The following RTL4 variants were observed in gnomAD, a reference collection of about 807,000 sequenced individuals.
RTL4 encodes the protein retrotransposon Gag-like protein 4.
RTL4 carries 4 observed loss-of-function variants against 5.3 expected under a neutral mutation model. The observed-to-expected ratio is 0.75, with a 90% confidence interval of 0.37 to 1.72. The LOEUF is 1.72. RTL4 is among the 40% of genes most tolerant of loss of function. The pLI is 0.04. For missense variants in RTL4, 260 were observed against 227.1 expected, an observed-to-expected ratio of 1.14 and a Z score of -0.93; for synonymous variants, 98 against 87.3, an observed-to-expected ratio of 1.12 and a Z score of -0.68.
the RTL4 span, among the ~76,000 whole-genome samples, chrX:112,177,265 G>T: frequency 9.0e-6 from 1 of 111,095 alleles, no homozygotes; most frequent in African/African-American, 3.3e-5. Context: ...AACCTCCATA[G>T]AGTGTATATT....
At position 112,455,475 on chromosome X, in the gene RTL4, T is replaced by C. The variant is rs761132577; in HGVS notation, c.747T>C (p.Asp249=). 1.7e-5 allele frequency: 20 copies of C among 1,208,709 alleles called. No homozygotes were observed. In the East Asian group the frequency reaches 4.7e-4, roughly 29 times the overall value. ...ACCAAGCCCTCTTTAGCCCCACAGA[T>C]CCACCACCCAAGAAAGGGCCTATAC... Residue 249 remains aspartate (D), a synonymous_variant, in exon 1 of 1, where the codon GAT becomes GAC. Coordinates refer to ENST00000340433, the Ensembl canonical transcript of RTL4.
At chrX:112,386,782 A>AT in the RTL4 span, among the ~76,000 whole-genome samples, 341 of 111,165 alleles carry the variant, frequency 3.1e-3, 1 homozygote, top group African/African-American at 1.0e-2. Flanking sequence ...CTGCTTTCAT[A>AT]TTTTTTCAAT....
the RTL4 span, among the ~76,000 whole-genome samples, chrX:112,200,414 TC>T: frequency 8.9e-6 from 1 of 112,166 alleles, no homozygotes; most frequent in Non-Finnish European, 1.9e-5. Context: ...TTATCATGTG[TC>T]CCCAGAGGCT....
the RTL4 span, among the ~76,000 whole-genome samples, chrX:112,138,411 AAATAAT>A: frequency 3.6e-5 from 4 of 111,508 alleles, no homozygotes; most frequent in Non-Finnish European, 5.7e-5. Context: ...TGTTCTTATA[AAATAAT>A]AATAATAATA....
upstream of RTL4, among the ~76,000 whole-genome samples, chrX:112,450,768 G>A (rs756770772): frequency 8.9e-6 from 1 of 112,118 alleles, no homozygotes; most frequent in African/African-American, 3.2e-5. Flanking sequence ...TGGAACTTCT[G>A]AGAGTGGAGG....
chrX:112,414,990 T>C, the RTL4 span, among the ~76,000 whole-genome samples: 1 of 111,772 alleles, frequency 8.9e-6, no homozygotes, highest in Non-Finnish European at 1.9e-5. Flanking sequence ...ATTATGCTAT[T>C]CTCAGACATA....
the RTL4 span, among the ~76,000 whole-genome samples, chrX:112,190,198 TTC>T: frequency 1.9e-5 from 2 of 107,652 alleles, no homozygotes; most frequent in Admixed American, 1.0e-4. Context: ...CTTTCTTTCT[TTC>T]TTTCTTTTTT....
At chrX:112,351,049 A>G in the RTL4 span, among the ~76,000 whole-genome samples, 1 of 111,175 alleles carries the variant, frequency 9.0e-6, no homozygotes, top group Admixed American at 9.6e-5. Flanking sequence ...TGTGTCCCAG[A>G]GATTCTGGTA....
the RTL4 span, among the ~76,000 whole-genome samples, chrX:112,110,018 T>A: frequency 9.0e-6 from 1 of 111,687 alleles, no homozygotes; most frequent in African/African-American, 3.3e-5. Context: ...ACAAGGAGGT[T>A]AAAAATAGGG....
the RTL4 span, among the ~76,000 whole-genome samples, chrX:112,092,472 A>G: frequency 9.0e-6 from 1 of 111,580 alleles, no homozygotes; most frequent in Non-Finnish European, 1.9e-5. Flanking sequence ...GAGACATGCA[A>G]ATCTGCCTCT....
the RTL4 span, among the ~76,000 whole-genome samples, chrX:112,147,870 A>G: frequency 3.6e-5 from 4 of 111,608 alleles, no homozygotes; most frequent in Non-Finnish European, 7.5e-5. Context: ...TCTCTTTAGG[A>G]AAACCTGTCT....
the RTL4 span, among the ~76,000 whole-genome samples, chrX:112,344,989 G>A: frequency 9.0e-6 from 1 of 111,339 alleles, no homozygotes. Flanking sequence ...ACTCACTACT[G>A]CAAGAATAGT....
the RTL4 span, among the ~76,000 whole-genome samples, chrX:112,227,943 C>A: frequency 9.0e-6 from 1 of 111,265 alleles, no homozygotes; most frequent in South Asian, 3.9e-4. Context: ...TGCCTCAGGC[C>A]GATATTGGTT....
chrX:112,168,991 T>C, the RTL4 span, among the ~76,000 whole-genome samples: 1 of 107,380 alleles, frequency 9.3e-6, no homozygotes, highest in Non-Finnish European at 1.9e-5. Context: ...CCTTTCTTTC[T>C]TTCCTTTCTT....
the RTL4 span, among the ~76,000 whole-genome samples, chrX:112,200,047 A>G: frequency 8.9e-6 from 1 of 112,216 alleles, no homozygotes; most frequent in East Asian, 2.8e-4. Context: ...ACCACAACCT[A>G]GAGGTAGGAA....
the RTL4 span, among the ~76,000 whole-genome samples, chrX:112,101,945 G>A: frequency 9.0e-6 from 1 of 110,573 alleles, no homozygotes; most frequent in East Asian, 2.9e-4. Context: ...AGGAAAGAAA[G>A]AACCCTTCCC....
the RTL4 span, among the ~76,000 whole-genome samples, chrX:112,436,265 C>G: frequency 9.1e-6 from 1 of 110,466 alleles, no homozygotes; most frequent in African/African-American, 3.3e-5. Flanking sequence ...TTCTTCCTAA[C>G]GAACTTTGTT....
the RTL4 span, among the ~76,000 whole-genome samples, chrX:112,086,485 C>T: frequency 6.0e-4 from 67 of 112,387 alleles, no homozygotes; most frequent in Non-Finnish European, 1.1e-3. Flanking sequence ...ACACTCAGCA[C>T]TATCTCTACC....
At chrX:112,407,500 G>A in the RTL4 span, among the ~76,000 whole-genome samples, 7 of 112,156 alleles carry the variant, frequency 6.2e-5, no homozygotes, top group Non-Finnish European at 1.1e-4. Context: ...AGAACACCAG[G>A]TAGACTACTA....
Sources: allele counts gnomAD v4.1 joint callset (sites outside exome capture counted in the v4.1 genomes callset), GRCh38; gene constraint gnomAD v4.1.1; transcripts MANE v1.5; gene names NCBI Gene and HGNC (gene_info 2026-07-23, HGNC 2026-07-21).